Variants in CYP2J2 observed in about 807,000 individuals in gnomAD.
CYP2J2 encodes the protein cytochrome P450 2J2.
A neutral mutation model predicts 48.8 loss-of-function variants in CYP2J2; 41 were observed. The observed-to-expected ratio is 0.84, with a 90% CI of 0.66 to 1.09. CYP2J2 has a LOEUF of 1.09. Ranked by LOEUF, CYP2J2 falls within the 50% of genes least tolerant of loss-of-function variation. The pLI, the probability that CYP2J2 is intolerant of heterozygous loss-of-function variation, is 0.00. For synonymous variants in CYP2J2, 221 were observed against 227.1 expected (o/e 0.97, Z 0.24); for missense variants, 644 against 617.3 (o/e 1.04, Z -0.46).
chr1:59,894,914 T>C (rs1049469100), intron 8 of CYP2J2, among the ~76,000 whole-genome samples: 3 of 152,224 alleles, frequency 2.0e-5, no homozygotes, highest in African/African-American at 4.8e-5. Flanking sequence ...AATTCTTTAC[T>C]GTGATACTTT....
At chr1:59,918,613 G>A (rs1338020555) in intron 1 of CYP2J2, among the ~76,000 whole-genome samples, 1 of 151,392 alleles carries the variant, frequency 6.6e-6, no homozygotes, top group African/African-American at 2.4e-5. Context: ...GAGGGCCTCT[G>A]AGAAGACTTT....
At position 59,926,518 on chromosome 1, in the gene CYP2J2, C is replaced by A. The variant is rs748926866; in HGVS notation, c.210+19G>T. The A allele has an allele frequency of 7.5e-6, 12 of 1,601,956 alleles. No homozygotes were observed. In the South Asian group the frequency reaches 1.2e-4, roughly 16 times the overall value. Reference sequence around the variant, plus strand: ...AGAGTTAGGGTCAGGACACGCTAGGCACCTTCTCCCACTCCTACCAGCTGA... The same window carrying A: ...AGAGTTAGGGTCAGGACACGCTAGGAACCTTCTCCCACTCCTACCAGCTGA... On this transcript the variant is annotated intron_variant, in intron 1 of 8. Coordinates refer to ENST00000371204, the MANE Select transcript of CYP2J2 (RefSeq NM_000775.4).
At chr1:59,911,134 G>A (rs1389828379) in intron 4 of CYP2J2, among the ~76,000 whole-genome samples, 1 of 152,134 alleles carries the variant, frequency 6.6e-6, no homozygotes. Flanking sequence ...GTACAGAACA[G>A]ATTGACAAAA....
intron 7 of CYP2J2, chr1:59,904,486 G>C (rs760327742): frequency 4.4e-5 from 7 of 160,020 alleles, no homozygotes; most frequent in Non-Finnish European, 9.5e-5. Flanking sequence ...ATTTCCCAAA[G>C]TTTGGCAGAT....
chr1:59,903,003 C>T (rs1334196301), intron 7 of CYP2J2, among the ~76,000 whole-genome samples: 1 of 152,122 alleles, frequency 6.6e-6, no homozygotes, highest in African/African-American at 2.4e-5. Context: ...TTAAAGCTGA[C>T]AAAAATCAGC....
chr1:59,938,568 C>G, the CYP2J2 span, among the ~76,000 whole-genome samples: 1 of 152,332 alleles, frequency 6.6e-6, no homozygotes, highest in African/African-American at 2.4e-5. Context: ...GTCTCGCCTC[C>G]CACCATAGGG....
chr1:59,927,455 C>T (rs929093991), upstream of CYP2J2, among the ~76,000 whole-genome samples: 1 of 152,210 alleles, frequency 6.6e-6, no homozygotes, highest in African/African-American at 2.4e-5. Flanking sequence ...TCCAGCCTTT[C>T]ATACCATCTG....
chr1:59,893,853 G>C, intron 8 of CYP2J2, 24 bp from the exon 9 acceptor site: 1 of 1,579,198 alleles, frequency 6.3e-7, no homozygotes, highest in African/African-American at 1.4e-5. Context: ...TCAAAAGACG[G>C]GTTATCTTCT....
the CYP2J2 span, among the ~76,000 whole-genome samples, chr1:59,935,780 ACTT>A: frequency 1.3e-5 from 2 of 152,118 alleles, no homozygotes; most frequent in Non-Finnish European, 2.9e-5. Flanking sequence ...GAAAAACTTT[ACTT>A]CTTCTATGTG....
At chr1:59,953,819 G>A in the CYP2J2 span, among the ~76,000 whole-genome samples, 2 of 152,218 alleles carry the variant, frequency 1.3e-5, no homozygotes, top group Non-Finnish European at 2.9e-5. Context: ...AGTGGAAGAT[G>A]AGCCTGTGGT....
chr1:59,893,740 G>A lies in CYP2J2; in HGVS notation c.1420C>T (p.Pro474Ser). 6.2e-7 allele frequency: 1 copy of A among 1,613,298 alleles called. No homozygotes were observed. Among genetic ancestry groups the A allele is most frequent in the Non-Finnish European group, 8.5e-7 (1 of 1,179,644 alleles). ...SLMQKFTFRPPNNEKLSLKFR... is the reference protein window; with the variant it reads ...SLMQKFTFRPSNNEKLSLKFR... ...TTCAGGCTCAGCTTCTCATTGTTTG[G>A]GGGCCTGAAGGTAAATTTTTGCATA... The change falls in exon 9 of 9, where the codon CCA (proline) becomes TCA (serine). Residue 474 changes from proline to serine, a missense_variant. Coordinates refer to ENST00000371204, the MANE Select transcript of CYP2J2 (RefSeq NM_000775.4).
rs529324209 is a variant in CYP2J2, at chr1:59,898,928, A to C, written c.1330+2037T>G. Reference sequence around the variant, plus strand: ...GAGTCACCATGTATAGTTTTTAAAAAGACTACTGCTAATTCAGATAAGATA... The same window carrying C: ...GAGTCACCATGTATAGTTTTTAAAACGACTACTGCTAATTCAGATAAGATA... On this transcript the variant is annotated intron_variant, in intron 8 of 8. Transcript: ENST00000371204. 5.9e-5 allele frequency among the ~76,000 whole-genome samples: 9 copies of C among 152,366 alleles called. No homozygotes were observed. In the South Asian group the frequency reaches 1.9e-3, roughly 32 times the overall value.
At position 59,893,392 on chromosome 1, in the gene CYP2J2, T is replaced by G. The variant is rs1644240121; in HGVS notation, c.*259A>C. 2 of 359,534 alleles carry G rather than the reference T, an allele frequency of 5.6e-6. No homozygotes were observed. The highest frequency in any genetic ancestry group is 8.7e-5 in the East Asian group (2 of 22,950). 22.3% of individuals were successfully genotyped at this position (359,534 alleles called of 1,614,324 possible). A position where few individuals can be genotyped will look rare whatever the true frequency, so the allele number is the denominator to read the frequency against. On this transcript the variant is annotated 3_prime_UTR_variant, in exon 9 of 9. Transcript: ENST00000371204. ...TCTTTTGATTCTTACAAGAACTTTC[T>G]TTATGGAAGGAAACATTATCCTCTT...
At chr1:59,926,786 C>T, upstream of CYP2J2, 7 of 1,554,136 alleles carry the variant, frequency 4.5e-6, no homozygotes, top group South Asian at 3.4e-5. Flanking sequence ...TCCAAGCAGG[C>T]GGCGGTCCCA....
chr1:59,912,189 G>T lies in CYP2J2; in HGVS notation c.496C>A (p.Leu166Ile), dbSNP rs770966629. 3 of 1,613,570 alleles carry T rather than the reference G, an allele frequency of 1.9e-6. No individual in the cohort carries two copies. In the African/African-American group the frequency reaches 4.0e-5, roughly 22 times the overall value. ...EERIQEEAQH[L>I]TEAIKEENGQ... ...TTCTCCTCTTTTATTGCTTCAGTGAGGTGTTGGGCCTCCTCCTGAATGCGT... is the reference window on the plus strand; with the variant it reads ...TTCTCCTCTTTTATTGCTTCAGTGATGTGTTGGGCCTCCTCCTGAATGCGT... Residue 166 changes from leucine (L) to isoleucine (I), a missense_variant, in exon 3 of 9, where the codon CTC becomes ATC. Physicochemically the swap from Leu to Ile is conservative, Grantham distance 5 (BLOSUM62 2). Transcript: ENST00000371204.
chr1:59,952,144 T>C, the CYP2J2 span, among the ~76,000 whole-genome samples: 1 of 152,074 alleles, frequency 6.6e-6, no homozygotes, highest in Non-Finnish European at 1.5e-5. Flanking sequence ...AATGAAGTGC[T>C]GGGGGCTGCC....
rs766257828 is a variant in CYP2J2, at chr1:59,893,611, T to C, written c.*40A>G. The C allele has an allele frequency of 1.4e-6, 2 of 1,479,296 alleles. No homozygotes were observed. The highest frequency in any genetic ancestry group is 1.4e-5 in the African/African-American group (1 of 71,396). 91.6% of individuals were successfully genotyped at this position (1,479,296 alleles called of 1,614,324 possible). On this transcript the variant is annotated 3_prime_UTR_variant, in exon 9 of 9. Coordinates refer to ENST00000371204, the MANE Select transcript of CYP2J2 (RefSeq NM_000775.4). ...ACCAGTGGTTTCAGAACACGTGCCATGTCTTCTTACTTTCCTTGCCCCTTT... is the reference window on the plus strand; with the variant it reads ...ACCAGTGGTTTCAGAACACGTGCCACGTCTTCTTACTTTCCTTGCCCCTTT...
the CYP2J2 span, among the ~76,000 whole-genome samples, chr1:59,935,021 T>TACAC: frequency 6.2e-5 from 3 of 48,144 alleles, no homozygotes; most frequent in Non-Finnish European, 1.3e-4. Flanking sequence ...TATACATATA[T>TACAC]ATATATATAT....
At chr1:59,939,079 T>G in the CYP2J2 span, among the ~76,000 whole-genome samples, 1 of 152,222 alleles carries the variant, frequency 6.6e-6, no homozygotes, top group Non-Finnish European at 1.5e-5. Context: ...AGCAATTGTT[T>G]AGGGTACAGG....
Sources: allele counts gnomAD v4.1 joint callset (sites outside exome capture counted in the v4.1 genomes callset), GRCh38; gene constraint gnomAD v4.1.1; transcripts MANE v1.5; gene names NCBI Gene and HGNC (gene_info 2026-07-23, HGNC 2026-07-21).